SOX5: variants seen among roughly 807,000 people sequenced by gnomAD.
SOX5 encodes the protein transcription factor SOX-5.
A neutral mutation model predicts 92.0 loss-of-function variants in SOX5; 9 were observed. That is an observed-to-expected ratio of 0.10 (90% CI 0.06 to 0.17). The LOEUF (loss-of-function observed/expected upper bound fraction) is 0.17. SOX5 is among the 10% of genes least tolerant of loss of function. SOX5 has a pLI of 1.00. For missense variants in SOX5, 642 were observed against 944.5 expected (o/e 0.68, Z 4.20); for synonymous variants, 344 against 336.3 (o/e 1.02, Z -0.25).
rs527766928 is a variant in SOX5 at position 24,535,151 on chromosome 12, A to G, written c.-251+27178T>C. Among the ~76,000 whole-genome samples, 3 of 152,220 alleles carry G rather than the reference A, an allele frequency of 2.0e-5. No homozygotes were observed. The South Asian group carries it at 6.2e-4, about 32-fold the overall frequency. On this transcript the variant is annotated intron_variant, in intron 1 of 4. Coordinates refer to the SOX5 transcript ENST00000446891. ...AAATGCAGGTCATTTACCATCCCAT[A>G]TTTGGGCTAAAATCGGCTCTTGGCT...
chr12:24,091,405 G>A (rs1400272637), intron 4 of SOX5, among the ~76,000 whole-genome samples: 11 of 149,802 alleles, frequency 7.3e-5, no homozygotes, highest in Admixed American at 7.3e-4. Flanking sequence ...AATTAAAGAA[G>A]CATAAAGTAA....
chr12:23,692,161 G>A (rs1329869613), intron 6 of SOX5, among the ~76,000 whole-genome samples: 1 of 151,926 alleles, frequency 6.6e-6, no homozygotes, highest in East Asian at 1.9e-4. Flanking sequence ...GGCTGGGCAC[G>A]GTGGCTCACG....
intron 4 of SOX5, among the ~76,000 whole-genome samples, chr12:24,024,767 A>G (rs1031508711): frequency 6.6e-6 from 1 of 152,016 alleles, no homozygotes; most frequent in African/African-American, 2.4e-5. Flanking sequence ...AATCTCCATA[A>G]CATGACCAAT....
chr12:24,254,917 C>T (rs2140192655), intron 3 of SOX5, among the ~76,000 whole-genome samples: 1 of 152,178 alleles, frequency 6.6e-6, no homozygotes, highest in Non-Finnish European at 1.5e-5. Flanking sequence ...GGTCCACCCA[C>T]TTTACTCCTA....
intron 3 of SOX5, among the ~76,000 whole-genome samples, chr12:24,232,430 C>T (rs1156681625): frequency 6.6e-6 from 1 of 152,116 alleles, no homozygotes; most frequent in African/African-American, 2.4e-5. Flanking sequence ...TTTCTTGACA[C>T]AAAGAGAAGC....
chr12:24,109,710 G>A (rs1947101972), intron 4 of SOX5, among the ~76,000 whole-genome samples: 1 of 152,098 alleles, frequency 6.6e-6, no homozygotes. Context: ...AAGAAAATTA[G>A]TTTTAAACAA....
chr12:24,531,346 A>G (rs1009135664), intron 1 of SOX5, among the ~76,000 whole-genome samples: 1 of 152,202 alleles, frequency 6.6e-6, no homozygotes, highest in Non-Finnish European at 1.5e-5. Flanking sequence ...CTCAGAATTA[A>G]TGGTTTTGAA....
At chr12:24,323,916 G>A (rs1158482914) in intron 2 of SOX5, among the ~76,000 whole-genome samples, 1 of 151,964 alleles carries the variant, frequency 6.6e-6, no homozygotes, top group South Asian at 2.1e-4. Flanking sequence ...AAATTTCTTG[G>A]GGAAAATGTT....
intron 1 of SOX5, among the ~76,000 whole-genome samples, chr12:24,500,470 A>C (rs1430444175): frequency 6.6e-6 from 1 of 152,228 alleles, no homozygotes; most frequent in Admixed American, 6.5e-5. Flanking sequence ...GGAAGTTTAA[A>C]ATAACACTTG....
At chr12:24,238,653 G>C (rs755180517) in intron 3 of SOX5, among the ~76,000 whole-genome samples, 19 of 152,172 alleles carry the variant, frequency 1.2e-4, no homozygotes, top group South Asian at 8.3e-4. Context: ...CACAGTGCCC[G>C]GCCACAGAGT....
intron 1 of SOX5, among the ~76,000 whole-genome samples, chr12:23,943,783 A>C (rs1396762245): frequency 6.6e-6 from 1 of 152,100 alleles, no homozygotes; most frequent in Non-Finnish European, 1.5e-5. Flanking sequence ...ATGTCTATGA[A>C]CATCTACAAG....
intron 2 of SOX5, among the ~76,000 whole-genome samples, chr12:24,344,910 G>T (rs1396807792): frequency 6.6e-6 from 1 of 152,102 alleles, no homozygotes; most frequent in Non-Finnish European, 1.5e-5. Context: ...GGAAGCCTGG[G>T]CTGCTTATAA....
At chr12:24,395,096 A>G (rs981022793) in intron 1 of SOX5, among the ~76,000 whole-genome samples, 1 of 152,242 alleles carries the variant, frequency 6.6e-6, no homozygotes, top group African/African-American at 2.4e-5. Context: ...TACATTTCTT[A>G]GAAAAAACAA....
chr12:24,516,608 G>C (rs902859298), intron 1 of SOX5, among the ~76,000 whole-genome samples: 11 of 152,158 alleles, frequency 7.2e-5, no homozygotes, highest in African/African-American at 2.7e-4. Context: ...GAAATTCTGA[G>C]CTTATCAAAG....
At chr12:24,186,939 A>T (rs75695192) in intron 4 of SOX5, among the ~76,000 whole-genome samples, 1 of 2,174 alleles carries the variant, frequency 4.6e-4, no homozygotes, top group Non-Finnish European at 7.1e-4. Flanking sequence ...AAAACACATT[A>T]AAAAAAAGTA....
At chr12:23,723,905 AGAT>A (rs1269264263) in intron 6 of SOX5, among the ~76,000 whole-genome samples, 4 of 152,128 alleles carry the variant, frequency 2.6e-5, no homozygotes, top group African/African-American at 7.2e-5. Context: ...CTTTTTAAAG[AGAT>A]GATATTTATC....
chr12:23,570,930 A>T (rs12822457), intron 10 of SOX5, among the ~76,000 whole-genome samples: 98 of 19,898 alleles, frequency 4.9e-3, no homozygotes, highest in East Asian at 0.012. Flanking sequence ...AAAAAAAAAA[A>T]ATATATATAT....
intron 2 of SOX5, among the ~76,000 whole-genome samples, chr12:24,364,970 G>A (rs1238511446): frequency 6.6e-6 from 1 of 151,968 alleles, no homozygotes; most frequent in African/African-American, 2.4e-5. Flanking sequence ...TTTGAAAGCT[G>A]ATCATCCCCC....
At chr12:23,781,047 T>C (rs1410613525) in intron 3 of SOX5, among the ~76,000 whole-genome samples, 1 of 152,064 alleles carries the variant, frequency 6.6e-6, no homozygotes, top group Non-Finnish European at 1.5e-5. Context: ...TTAATACATT[T>C]ACTGATTTTG....
Sources: allele counts gnomAD v4.1 joint callset (sites outside exome capture counted in the v4.1 genomes callset), GRCh38; gene constraint gnomAD v4.1.1; transcripts MANE v1.5; gene names NCBI Gene and HGNC (gene_info 2026-07-23, HGNC 2026-07-21).